The following MOB3B variants were observed in gnomAD, a reference collection of about 807,000 sequenced individuals.
The protein encoded by MOB3B is MOB kinase activator 3B.
A neutral mutation model predicts 18.7 loss-of-function variants in MOB3B; 7 were observed. The observed-to-expected ratio is 0.37, with a 90% CI of 0.21 to 0.70. The LOEUF (loss-of-function observed/expected upper bound fraction) is 0.70, where lower values mean the gene tolerates loss of function less well. MOB3B is among the 30% of genes least tolerant of loss of function. The probability of loss-of-function intolerance (pLI) is 0.52; values close to 1 mark genes in which losing one functional copy is unlikely to be tolerated. For synonymous variants in MOB3B, 111 were observed against 99.9 expected (o/e 1.11, Z -0.66); for missense variants, 253 against 281.3 (o/e 0.90, Z 0.72).
Position 27,357,750 on chromosome 9 carries a change from C to T in MOB3B, c.621+1284G>A, listed in dbSNP as rs114771347. ...CATCTGATCTGTTAGCTTTACCATACCTAAATAATAATAAAACCTGGCCAG... is the reference window on the plus strand; with the variant it reads ...CATCTGATCTGTTAGCTTTACCATATCTAAATAATAATAAAACCTGGCCAG... On this transcript the variant is annotated intron_variant, in intron 3 of 3. Transcript: ENST00000262244. Among the ~76,000 whole-genome samples, 406 of 151,714 alleles carry T rather than the reference C, an allele frequency of 2.7e-3. 3 individuals carry two copies. Among genetic ancestry groups the T allele is most frequent in the African/African-American group, 9.4e-3 (389 of 41,386 alleles).
chr9:27,469,802 C>T (rs1197163150), intron 1 of MOB3B, among the ~76,000 whole-genome samples: 2 of 152,082 alleles, frequency 1.3e-5, no homozygotes, highest in African/African-American at 4.8e-5. Context: ...CCTCCCTTTT[C>T]GTGCCAGGCG....
At chr9:27,365,387 G>A (rs1228872234) in intron 2 of MOB3B, among the ~76,000 whole-genome samples, 1 of 136,386 alleles carries the variant, frequency 7.3e-6, no homozygotes, top group African/African-American at 2.8e-5. Context: ...TTTTTTTCAG[G>A]TAGTGAGAGT....
At chr9:27,358,985 C>T (rs750890384) in intron 3 of MOB3B, 49 bp downstream of exon 3, 13 of 1,582,896 alleles carry the variant, frequency 8.2e-6, no homozygotes, top group Admixed American at 1.7e-5. Flanking sequence ...TGACAAATGG[C>T]CGAGCTCCTG....
intron 2 of MOB3B, among the ~76,000 whole-genome samples, chr9:27,362,076 C>A (rs1159097006): frequency 6.6e-6 from 1 of 152,218 alleles, no homozygotes; most frequent in East Asian, 1.9e-4. Flanking sequence ...CTCCAAGCGG[C>A]TCTGTTCCCC....
At chr9:27,487,957 A>T (rs536754221) in intron 1 of MOB3B, among the ~76,000 whole-genome samples, 1 of 152,196 alleles carries the variant, frequency 6.6e-6, no homozygotes, top group Non-Finnish European at 1.5e-5. Flanking sequence ...TCTGAGAGAA[A>T]TAACCTATTG....
At chr9:27,505,983 C>G (rs1384444169) in intron 1 of MOB3B, among the ~76,000 whole-genome samples, 1 of 152,234 alleles carries the variant, frequency 6.6e-6, no homozygotes, top group Non-Finnish European at 1.5e-5. Context: ...TCTCTCTTAG[C>G]TGTCAAATCA....
chr9:27,348,723 C>T (rs1821066118), intron 3 of MOB3B, among the ~76,000 whole-genome samples: 1 of 151,878 alleles, frequency 6.6e-6, no homozygotes, highest in African/African-American at 2.4e-5. Flanking sequence ...GACTTAGTAA[C>T]CTACTTCTAA....
chr9:27,491,302 A>C (rs1819814815), intron 1 of MOB3B, among the ~76,000 whole-genome samples: 1 of 152,186 alleles, frequency 6.6e-6, no homozygotes, highest in Admixed American at 6.5e-5. Context: ...AAAGAGAAAA[A>C]GGAAGTGTAT....
intron 2 of MOB3B, among the ~76,000 whole-genome samples, chr9:27,427,920 T>A (rs1036703117): frequency 6.6e-6 from 1 of 152,158 alleles, no homozygotes; most frequent in Non-Finnish European, 1.5e-5. Context: ...TCTTGCCTAT[T>A]AAGTTGGTTT....
chr9:27,426,771 T>G (rs1822340463), intron 2 of MOB3B, among the ~76,000 whole-genome samples: 1 of 152,190 alleles, frequency 6.6e-6, no homozygotes, highest in Non-Finnish European at 1.5e-5. Flanking sequence ...CACTATTTCC[T>G]TTTCTGCAGC....
At chr9:27,465,205 A>G (rs185386573) in intron 1 of MOB3B, among the ~76,000 whole-genome samples, 224 of 152,314 alleles carry the variant, frequency 1.5e-3, no homozygotes, top group African/African-American at 5.2e-3. Flanking sequence ...GCGTACAGGT[A>G]TTGGGTAAAT....
In MOB3B at chr9:27,342,034, A is replaced by G. The variant is rs1820949745; in HGVS notation, c.622-11418T>C. Among the ~76,000 whole-genome samples the G allele has an allele frequency of 4.6e-5, 7 of 152,222 alleles. No homozygotes were observed. The South Asian group carries it at 1.0e-3, about 22-fold the overall frequency. On this transcript the variant is annotated intron_variant, in intron 3 of 3. Coordinates refer to ENST00000262244, the MANE Select transcript of MOB3B (RefSeq NM_024761.5). Reference sequence around the variant, plus strand: ...ATTATTTTATGAAATTCAAATTTCCATGTCCATAAACAAGTTTTATTGGAG... The same window carrying G: ...ATTATTTTATGAAATTCAAATTTCCGTGTCCATAAACAAGTTTTATTGGAG...
intron 1 of MOB3B, among the ~76,000 whole-genome samples, chr9:27,516,514 A>C (rs1036588197): frequency 6.6e-6 from 1 of 152,224 alleles, no homozygotes; most frequent in Admixed American, 6.5e-5. Context: ...TAGATCAACA[A>C]TGGCAAATAG....
intron 3 of MOB3B, among the ~76,000 whole-genome samples, chr9:27,332,910 C>T (rs1026488771): frequency 1.3e-5 from 2 of 152,154 alleles, no homozygotes; most frequent in African/African-American, 4.8e-5. Context: ...CTAAGATAGT[C>T]TTATGAATAT....
chr9:27,515,196 G>C (rs814030), intron 1 of MOB3B, among the ~76,000 whole-genome samples: 39,413 of 151,974 alleles, frequency 0.26, 5,246 homozygotes, highest in Admixed American at 0.3. Flanking sequence ...CTTTTTTACT[G>C]TTGTTTTCCC....
At chr9:27,337,155 G>A (rs1188005569) in intron 3 of MOB3B, among the ~76,000 whole-genome samples, 2 of 152,208 alleles carry the variant, frequency 1.3e-5, no homozygotes, top group Admixed American at 6.5e-5. Context: ...GGCTGGGGGT[G>A]GACAGCACCA....
At chr9:27,371,489 G>A (rs531595044) in intron 2 of MOB3B, among the ~76,000 whole-genome samples, 7 of 152,302 alleles carry the variant, frequency 4.6e-5, no homozygotes, top group South Asian at 2.1e-4. Flanking sequence ...GTAAGATCCC[G>A]CGAAGGTAAG....
chr9:27,451,560 A>G (rs1822783779), intron 2 of MOB3B, among the ~76,000 whole-genome samples: 1 of 152,198 alleles, frequency 6.6e-6, no homozygotes, highest in Non-Finnish European at 1.5e-5. Flanking sequence ...TATATCCTTT[A>G]ATAGCTAACT....
At chr9:27,472,968 AACTGATCAAGATAC>A (rs1819495921) in intron 1 of MOB3B, among the ~76,000 whole-genome samples, 1 of 152,246 alleles carries the variant, frequency 6.6e-6, no homozygotes, top group Admixed American at 6.5e-5. Flanking sequence ...GTCTTTACAT[AACTGATCAAGATAC>A]AAACCATTTG....
Sources: allele counts gnomAD v4.1 joint callset (sites outside exome capture counted in the v4.1 genomes callset), GRCh38; gene constraint gnomAD v4.1.1; transcripts MANE v1.5; gene names NCBI Gene and HGNC (gene_info 2026-07-23, HGNC 2026-07-21).